CRIM1: variants seen among roughly 807,000 people sequenced by gnomAD.
The protein encoded by CRIM1 is cysteine-rich motor neuron 1 protein.
A neutral mutation model predicts 116.4 loss-of-function variants in CRIM1; 32 were observed. The ratio of observed to expected loss-of-function variants is 0.27; its 90% CI spans 0.21 to 0.37. The LOEUF is 0.37. CRIM1 is among the 10% of genes least tolerant of loss of function. The pLI, the probability that CRIM1 is intolerant of heterozygous loss-of-function variation, is 1.00. For missense variants in CRIM1, 1,331 were observed against 1,354.8 expected, an observed-to-expected ratio of 0.98 and a Z score of 0.28; for synonymous variants, 590 against 509.2, an observed-to-expected ratio of 1.16 and a Z score of -2.13.
At chr2:36,378,613 G>A (rs1044305353) in intron 1 of CRIM1, 5 of 283,324 alleles carry the variant, frequency 1.8e-5, no homozygotes, top group South Asian at 3.8e-5. Flanking sequence ...AAGGGTATAC[G>A]TCCTTGTGTT....
intron 14 of CRIM1, among the ~76,000 whole-genome samples, chr2:36,540,291 G>A (rs1666862087): frequency 6.6e-6 from 1 of 152,074 alleles, no homozygotes; most frequent in African/African-American, 2.4e-5. Flanking sequence ...AGAAAGAATG[G>A]GAGAGGTGAA....
At chr2:36,366,464 G>C (rs1358636725) in intron 1 of CRIM1, among the ~76,000 whole-genome samples, 1 of 151,940 alleles carries the variant, frequency 6.6e-6, no homozygotes, top group African/African-American at 2.4e-5. Context: ...TGTATTTCAA[G>C]TTCCTGAGAA....
At chr2:36,361,553 A>C (rs1669224336) in intron 1 of CRIM1, among the ~76,000 whole-genome samples, 1 of 152,196 alleles carries the variant, frequency 6.6e-6, no homozygotes, top group South Asian at 2.1e-4. Flanking sequence ...GGTGGACTAA[A>C]GAATGACGAA....
In CRIM1 at chr2:36,545,512, A is replaced by G. The variant is rs114226703; in HGVS notation, c.2746+1014A>G. ...TATGTTATAAAGCCCCTAAAGAGAA[A>G]TTTTCTCATGCATCAATAGCAAGAA... is the stretch of plus-strand genomic sequence containing the variant. On this transcript the variant is annotated intron_variant, in intron 15 of 16. Transcript: ENST00000280527. Among the ~76,000 whole-genome samples, 816 of 152,248 alleles carry G rather than the reference A, an allele frequency of 5.4e-3. 6 individuals are homozygous for G. Among genetic ancestry groups the G allele is most frequent in the African/African-American group, 0.019 (773 of 41,558 alleles).
intron 1 of CRIM1, among the ~76,000 whole-genome samples, chr2:36,395,590 A>G (rs1312642141): frequency 6.6e-6 from 1 of 152,212 alleles, no homozygotes; most frequent in East Asian, 1.9e-4. Flanking sequence ...TGTCATATTC[A>G]TTGCATTTTT....
In CRIM1 at chr2:36,356,419, TCCAAGTGCGAGGAGC is replaced by T. The variant is rs1388344795; in HGVS notation, c.131_145del (p.Lys44_Pro48del). 1 of 1,609,786 alleles carries T rather than the reference TCCAAGTGCGAGGAGC, an allele frequency of 6.2e-7. No individual in the cohort carries two copies. The highest frequency in any genetic ancestry group is 8.5e-7 in the Non-Finnish European group (1 of 1,179,270). On this transcript the variant is annotated inframe_deletion, in exon 1 of 17. Coordinates refer to ENST00000280527, the MANE Select transcript of CRIM1 (RefSeq NM_016441.3). This position sits in a 1 kb window ranked among gnomAD's most constrained non-coding sequence, Gnocchi z 4.3. ...GCTGGTCTGCCTGCCCTGTGACGAG[TCCAAGTGCGAGGAGC>T]CCAGGAACTGCCCGGGGAGCATCGT...
At chr2:36,475,181 T>C (rs914302300) in intron 5 of CRIM1, among the ~76,000 whole-genome samples, 10 of 152,226 alleles carry the variant, frequency 6.6e-5, no homozygotes, top group Admixed American at 2.0e-4. Flanking sequence ...TGTAGATCAA[T>C]TTGGGGAATA....
At chr2:36,441,153 C>A (rs183690059) in intron 2 of CRIM1, 105 bp from the exon 3 acceptor site, 71 of 1,442,098 alleles carry the variant, frequency 4.9e-5, no homozygotes, top group Non-Finnish European at 6.7e-5. Flanking sequence ...CTTTCCCTAC[C>A]GTCCTCTTTG....
chr2:36,387,709 C>A (rs767569431), intron 1 of CRIM1, among the ~76,000 whole-genome samples: 6 of 152,162 alleles, frequency 3.9e-5, no homozygotes, highest in Non-Finnish European at 8.8e-5. Context: ...CCTGGTAAAA[C>A]CTCAAAAGAG....
chr2:36,412,713 A>G (rs1025559621), intron 2 of CRIM1, among the ~76,000 whole-genome samples: 4 of 152,222 alleles, frequency 2.6e-5, no homozygotes, highest in African/African-American at 7.2e-5. Flanking sequence ...ACAAAATTTT[A>G]TACATCTTAA....
chr2:36,544,577 A>G, intron 15 of CRIM1, 79 bp downstream of exon 15: 3 of 1,282,430 alleles, frequency 2.3e-6, no homozygotes, highest in African/African-American at 1.5e-5. Context: ...AAAATTTCCT[A>G]TGAGTAACTT....
intron 2 of CRIM1, among the ~76,000 whole-genome samples, chr2:36,399,683 A>G (rs543204072): frequency 4.6e-5 from 7 of 152,242 alleles, no homozygotes; most frequent in African/African-American, 1.7e-4. Flanking sequence ...TGTTTGGATC[A>G]TGACCGGAAT....
chr2:36,468,859 G>A (rs1307589400), intron 5 of CRIM1, among the ~76,000 whole-genome samples: 3 of 152,164 alleles, frequency 2.0e-5, no homozygotes, highest in African/African-American at 7.2e-5. Flanking sequence ...TTAGATACGA[G>A]CATTTGTCCA....
At chr2:36,470,762 A>T (rs903429232) in intron 5 of CRIM1, among the ~76,000 whole-genome samples, 2 of 152,248 alleles carry the variant, frequency 1.3e-5, no homozygotes, top group Non-Finnish European at 2.9e-5. Flanking sequence ...CCAAGGAGTC[A>T]TTTCAACTTT....
At chr2:36,532,644 A>G (rs182692266) in intron 13 of CRIM1, among the ~76,000 whole-genome samples, 2 of 152,298 alleles carry the variant, frequency 1.3e-5, no homozygotes, top group South Asian at 2.1e-4. Flanking sequence ...TGGTCCCTCC[A>G]CAGGTTATCC....
chr2:36,469,292 C>T (rs538679790), intron 5 of CRIM1, among the ~76,000 whole-genome samples: 1 of 150,966 alleles, frequency 6.6e-6, no homozygotes, highest in South Asian at 2.1e-4. Context: ...GAAAGGGGAT[C>T]TGAATACAAC....
At chr2:36,478,205 C>A (rs1462164050) in intron 6 of CRIM1, among the ~76,000 whole-genome samples, 2 of 152,178 alleles carry the variant, frequency 1.3e-5, no homozygotes, top group Non-Finnish European at 2.9e-5. Context: ...ACAGTGAGTT[C>A]TTTTCCCTAC....
chr2:36,357,285 A>G (rs1483558505), intron 1 of CRIM1, among the ~76,000 whole-genome samples: 1 of 151,978 alleles, frequency 6.6e-6, no homozygotes, highest in Non-Finnish European at 1.5e-5. Flanking sequence ...TCCTGAAAGG[A>G]AAGGGGGGTG....
At chr2:36,539,059 C>T in intron 14 of CRIM1, among the ~76,000 whole-genome samples, 1 of 152,132 alleles carries the variant, frequency 6.6e-6, no homozygotes, top group Admixed American at 6.5e-5. Flanking sequence ...TAGGGAGAAG[C>T]CAGGCAGCTA....
Sources: gnomAD v4.1 joint callset for allele counts (sites outside exome capture counted in the v4.1 genomes callset) on GRCh38, gnomAD v4.1.1 for gene constraint, Gnocchi (gnomAD v3.1) non-coding constraint, MANE v1.5 for transcripts, NCBI Gene and HGNC (gene_info 2026-07-23, HGNC 2026-07-21) for gene names.